CADPS: variants seen among roughly 807,000 people sequenced by gnomAD.
The protein encoded by CADPS is calcium dependent secretion activator.
CADPS carries 57 observed loss-of-function variants against 167.3 expected under a neutral mutation model. The ratio of observed to expected loss-of-function variants is 0.34; its 90% CI spans 0.28 to 0.42. The LOEUF is 0.42. Among genes scored for constraint, CADPS ranks in the 20% least tolerant of loss-of-function variants. CADPS has a pLI of 1.00. For synonymous variants in CADPS, 676 were observed against 635.3 expected (o/e 1.06, Z -0.96); for missense variants, 1,414 against 1,738.1 (o/e 0.81, Z 3.32).
intron 13 of CADPS, among the ~76,000 whole-genome samples, chr3:62,522,336 A>T (rs2070874302): frequency 6.6e-6 from 1 of 152,080 alleles, no homozygotes; most frequent in South Asian, 2.1e-4. Context: ...ACAAGGTCTC[A>T]TTATGTTGCC....
chr3:62,820,692 G>A (rs1010436840), intron 1 of CADPS, among the ~76,000 whole-genome samples: 6 of 151,958 alleles, frequency 3.9e-5, no homozygotes, highest in African/African-American at 1.5e-4. Context: ...GCACTTTTCA[G>A]CTTCAAGGCA....
intron 26 of CADPS, among the ~76,000 whole-genome samples, chr3:62,460,903 T>C (rs957897620): frequency 6.6e-6 from 1 of 152,302 alleles, no homozygotes. Context: ...TTCCATGTTG[T>C]GTTGTGACCA....
intron 3 of CADPS, among the ~76,000 whole-genome samples, chr3:62,699,463 C>T (rs182750750): frequency 1.3e-5 from 2 of 152,252 alleles, no homozygotes; most frequent in African/African-American, 4.8e-5. Context: ...GTGACCTAGA[C>T]GTGGTCATTA....
rs2055689458 is a variant in CADPS, at chr3:62,438,742, TG to T, written c.3670-532del. 6.5e-6 allele frequency: 1 copy of T among 154,454 alleles called. No homozygotes were observed. Among genetic ancestry groups the T allele is most frequent in the African/African-American group, 2.4e-5 (1 of 41,360 alleles). The allele number at this position is 154,454 out of a possible 1,614,324, so 9.6% of individuals were successfully genotyped here. On this transcript the variant is annotated intron_variant, in intron 27 of 29. Transcript: ENST00000383710. This position sits in a 1 kb window ranked among gnomAD's most constrained non-coding sequence, Gnocchi z 4.7. Reference sequence around the variant, plus strand: ...GTGTGTGTGTGTGTGTGTGTGTGTGTGTGTGTGTGTGTGTGTATAGCTTAAC... The same window carrying T: ...GTGTGTGTGTGTGTGTGTGTGTGTGTTGTGTGTGTGTGTGTATAGCTTAAC...
chr3:62,631,705 G>T (rs1159486300), intron 6 of CADPS, among the ~76,000 whole-genome samples: 1 of 152,164 alleles, frequency 6.6e-6, no homozygotes, highest in Non-Finnish European at 1.5e-5. Flanking sequence ...AGACCAGGCA[G>T]TGACCTTCAT....
rs1452041505 is a variant in CADPS, at chr3:62,874,376, C to A, written c.441+213G>T. On this transcript the variant is annotated intron_variant, in intron 1 of 29. Coordinates refer to ENST00000383710, the MANE Select transcript of CADPS (RefSeq NM_003716.4). This position sits in a 1 kb window ranked among gnomAD's most constrained non-coding sequence, Gnocchi z 7.1. ...CGGCGCTGCGCTCCGCGGCCCTCGC[C>A]GGTCCCAGTCAGCTCCAGGAGCGCT... Among the ~76,000 whole-genome samples the A allele has an allele frequency of 6.6e-6, 1 of 152,150 alleles. No individual in the cohort carries two copies. The highest frequency in any genetic ancestry group is 2.4e-5 in the African/African-American group (1 of 41,468).
At chr3:62,475,584 G>GAAA (rs34263556) in intron 23 of CADPS, among the ~76,000 whole-genome samples, 1,104 of 55,928 alleles carry the variant, frequency 0.02, 273 homozygotes, top group African/African-American at 0.027. Context: ...CAGTTCTTAA[G>GAAA]AAAAAAAAAA....
chr3:62,657,341 C>T (rs1274033066), intron 4 of CADPS, among the ~76,000 whole-genome samples: 1 of 152,140 alleles, frequency 6.6e-6, no homozygotes, highest in East Asian at 1.9e-4. Flanking sequence ...ACCTCTGCCA[C>T]TGACACTACA....
intron 9 of CADPS, among the ~76,000 whole-genome samples, chr3:62,565,119 C>T (rs866000136): frequency 2.6e-5 from 4 of 152,218 alleles, no homozygotes; most frequent in African/African-American, 9.6e-5. Flanking sequence ...GAGTTACTAA[C>T]AGTAGTAATC....
intron 13 of CADPS, among the ~76,000 whole-genome samples, chr3:62,522,742 T>C (rs1202276806): frequency 6.6e-6 from 1 of 152,186 alleles, no homozygotes; most frequent in Non-Finnish European, 1.5e-5. Flanking sequence ...CATGAGCACA[T>C]ACACATGCGA....
At chr3:62,662,702 T>G (rs1351208785) in intron 3 of CADPS, among the ~76,000 whole-genome samples, 8 of 152,176 alleles carry the variant, frequency 5.3e-5, no homozygotes, top group African/African-American at 1.9e-4. Flanking sequence ...TTTGGCCCAG[T>G]GACCAAAGTG....
intron 13 of CADPS, among the ~76,000 whole-genome samples, chr3:62,522,878 G>A (rs1004783265): frequency 6.6e-6 from 1 of 152,136 alleles, no homozygotes; most frequent in Non-Finnish European, 1.5e-5. Flanking sequence ...GAGCCGTGCT[G>A]AAGCCTGGAA....
intron 1 of CADPS, among the ~76,000 whole-genome samples, chr3:62,855,900 T>C (rs927435865): frequency 6.6e-6 from 1 of 152,190 alleles, no homozygotes; most frequent in African/African-American, 2.4e-5. Flanking sequence ...TCCCTAAAAA[T>C]TTTATTGTAG....
At chr3:62,718,953 G>A (rs957170625) in intron 3 of CADPS, among the ~76,000 whole-genome samples, 3 of 152,232 alleles carry the variant, frequency 2.0e-5, no homozygotes, top group South Asian at 2.1e-4. Flanking sequence ...AATGTCACAG[G>A]TAAAGTATGG....
intron 2 of CADPS, among the ~76,000 whole-genome samples, chr3:62,760,958 G>A (rs1368475706): frequency 6.6e-6 from 1 of 152,098 alleles, no homozygotes; most frequent in Admixed American, 6.6e-5. Flanking sequence ...GTAGGACTTT[G>A]TCCTTCTTTA....
At chr3:62,856,246 A>C (rs1444458693) in intron 1 of CADPS, among the ~76,000 whole-genome samples, 1 of 152,306 alleles carries the variant, frequency 6.6e-6, no homozygotes, top group Non-Finnish European at 1.5e-5. Context: ...AAGGAAGATC[A>C]ACTAGTAAAT....
chr3:62,497,515 T>C (rs2065020852), intron 18 of CADPS, among the ~76,000 whole-genome samples: 1 of 152,112 alleles, frequency 6.6e-6, no homozygotes, highest in African/African-American at 2.4e-5. Flanking sequence ...GAAAAGAACA[T>C]CCTATAGGAT....
At chr3:62,512,996 A>G (rs756006735) in intron 16 of CADPS, among the ~76,000 whole-genome samples, 73 of 152,288 alleles carry the variant, frequency 4.8e-4, no homozygotes, top group Non-Finnish European at 9.1e-4. Flanking sequence ...AGTAAAATTA[A>G]GTTTAATGTG....
chr3:62,564,448 G>A (rs1200049957), intron 9 of CADPS, among the ~76,000 whole-genome samples: 4 of 152,082 alleles, frequency 2.6e-5, no homozygotes, highest in East Asian at 1.9e-4. Flanking sequence ...CCAGCTTGAC[G>A]AACACTTTGT....
Sources: allele counts gnomAD v4.1 joint callset (sites outside exome capture counted in the v4.1 genomes callset), GRCh38; gene constraint gnomAD v4.1.1; non-coding constraint Gnocchi (gnomAD v3.1); transcripts MANE v1.5; gene names NCBI Gene and HGNC (gene_info 2026-07-23, HGNC 2026-07-21).